The following STAU2 variants were observed in gnomAD, a reference collection of about 807,000 sequenced individuals.
STAU2 encodes the protein staufen double-stranded RNA binding protein 2.
A neutral mutation model predicts 65.9 loss-of-function variants in STAU2; 20 were observed. The ratio of observed to expected loss-of-function variants is 0.30; its 90% CI spans 0.21 to 0.44. The LOEUF is 0.44. Ranked by LOEUF, STAU2 falls within the 20% of genes least tolerant of loss-of-function variation. The pLI is 1.00. For missense variants in STAU2, 558 were observed against 683.9 expected, an observed-to-expected ratio of 0.82 and a Z score of 2.05; for synonymous variants, 232 against 233.9, an observed-to-expected ratio of 0.99 and a Z score of 0.07.
intron 12 of STAU2, among the ~76,000 whole-genome samples, chr8:73,556,038 TG>T (rs1807738609): frequency 6.6e-6 from 1 of 152,372 alleles, no homozygotes; most frequent in Admixed American, 6.5e-5. Flanking sequence ...TTTAAAGATA[TG>T]TTTTTAATCC....
chr8:73,491,926 G>GTC, intron 13 of STAU2, among the ~76,000 whole-genome samples: 1 of 152,006 alleles, frequency 6.6e-6, no homozygotes, highest in African/African-American at 2.4e-5. Flanking sequence ...ATACGCAAGA[G>GTC]AAGAAACCAT....
intron 13 of STAU2, among the ~76,000 whole-genome samples, chr8:73,429,624 G>A (rs766955001): frequency 5.3e-5 from 8 of 150,666 alleles, no homozygotes; most frequent in African/African-American, 2.0e-4. Flanking sequence ...TTCTAGTAGG[G>A]ACAAAGTCCT....
rs973140015 is a variant in STAU2 at position 73,596,462 on chromosome 8, A to C, written c.1030-1165T>G. On this transcript the variant is annotated intron_variant, in intron 10 of 14. Coordinates refer to ENST00000524300, the MANE Select transcript of STAU2 (RefSeq NM_001164380.2). Reference sequence around the variant, plus strand: ...GATAGCAAAAAAGGATAGAATTACAAGGAGAAATAGAAAATACACAACTAT... The same window carrying C: ...GATAGCAAAAAAGGATAGAATTACACGGAGAAATAGAAAATACACAACTAT... Among the ~76,000 whole-genome samples, 6 of 152,362 alleles carry C rather than the reference A, an allele frequency of 3.9e-5. No individual in the cohort carries two copies. In the East Asian group the frequency reaches 1.2e-3, roughly 29 times the overall value.
intron 1 of STAU2, among the ~76,000 whole-genome samples, chr8:73,740,986 C>A (rs1367692831): frequency 7.3e-6 from 1 of 137,156 alleles, no homozygotes; most frequent in Non-Finnish European, 1.5e-5. Context: ...GTCCAGGTGA[C>A]AGAGCAAGAC....
At chr8:73,605,307 C>CTTTTTT (rs760108756) in intron 9 of STAU2, among the ~76,000 whole-genome samples, 2 of 124,002 alleles carry the variant, frequency 1.6e-5, no homozygotes, top group Non-Finnish European at 3.4e-5. Context: ...GGCTTTTTTC[C>CTTTTTT]TTTTTTTTTT....
chr8:73,545,554 G>C (rs970194092), intron 13 of STAU2, among the ~76,000 whole-genome samples: 2 of 151,204 alleles, frequency 1.3e-5, no homozygotes, highest in East Asian at 1.9e-4. Flanking sequence ...TTTGATGTAT[G>C]TATTCCCAAA....
chr8:73,594,203 T>C (rs1811022298), intron 11 of STAU2, among the ~76,000 whole-genome samples: 2 of 152,192 alleles, frequency 1.3e-5, no homozygotes, highest in Admixed American at 1.3e-4. Context: ...GAAAAAGTGT[T>C]GACTAGCCAG....
intron 4 of STAU2, among the ~76,000 whole-genome samples, chr8:73,696,022 G>C (rs58066780): frequency 0.035 from 5,273 of 152,246 alleles, 265 homozygotes; most frequent in African/African-American, 0.11. Flanking sequence ...GCAATCCCAG[G>C]GATGATGACC....
At chr8:73,665,156 T>G (rs914455791) in intron 6 of STAU2, among the ~76,000 whole-genome samples, 1 of 152,138 alleles carries the variant, frequency 6.6e-6, no homozygotes, top group Non-Finnish European at 1.5e-5. Flanking sequence ...TTAGGTTAAT[T>G]TCTCCCAAAT....
intron 4 of STAU2, among the ~76,000 whole-genome samples, chr8:73,692,638 C>G (rs1046075697): frequency 6.6e-6 from 1 of 152,144 alleles, no homozygotes; most frequent in Non-Finnish European, 1.5e-5. Flanking sequence ...GTGCTGAGAG[C>G]CCCCGGTTTA....
At chr8:73,511,837 A>G (rs1822422519) in intron 13 of STAU2, among the ~76,000 whole-genome samples, 1 of 152,220 alleles carries the variant, frequency 6.6e-6, no homozygotes, top group Non-Finnish European at 1.5e-5. Context: ...TGCCTAACCC[A>G]AGATCATGAA....
intron 13 of STAU2, among the ~76,000 whole-genome samples, chr8:73,505,532 G>A (rs1822012552): frequency 6.6e-6 from 1 of 152,068 alleles, no homozygotes; most frequent in Non-Finnish European, 1.5e-5. Context: ...ACCTAAAAAT[G>A]CATGGTGACA....
intron 13 of STAU2, among the ~76,000 whole-genome samples, chr8:73,493,979 T>C (rs1206399780): frequency 6.6e-6 from 1 of 151,780 alleles, no homozygotes; most frequent in African/African-American, 2.4e-5. Flanking sequence ...GAACATTACA[T>C]TTCATTTACA....
At chr8:73,602,741 A>C (rs545167257) in intron 10 of STAU2, among the ~76,000 whole-genome samples, 14 of 152,072 alleles carry the variant, frequency 9.2e-5, no homozygotes, top group Admixed American at 3.9e-4. Context: ...AAAAAAAAAA[A>C]AACAAAAAAT....
intron 13 of STAU2, among the ~76,000 whole-genome samples, chr8:73,425,463 A>G (rs1585717968): frequency 6.6e-6 from 1 of 152,106 alleles, no homozygotes. Context: ...TTCAGAAGGA[A>G]CCAGCCCTGC....
At chr8:73,651,679 C>T in intron 6 of STAU2, 1 of 484,606 alleles carries the variant, frequency 2.1e-6, no homozygotes, top group Non-Finnish European at 3.8e-6. Flanking sequence ...CTGTGGGCAG[C>T]CTCTGGCGTA....
chr8:73,424,201 CTTTTTTT>C (rs59063960), intron 13 of STAU2, among the ~76,000 whole-genome samples: 52 of 115,290 alleles, frequency 4.5e-4, no homozygotes, highest in Non-Finnish European at 7.1e-4. Flanking sequence ...TCCTCTATGT[CTTTTTTT>C]TTTTTTTTTT....
chr8:73,651,281 C>A, intron 6 of STAU2: 1 of 664,990 alleles, frequency 1.5e-6, no homozygotes. Flanking sequence ...GCCTGGCGGG[C>A]CCCACTGTGT....
In STAU2 at chr8:73,628,959, G is replaced by A. The variant is rs183844948; in HGVS notation, c.411-11508C>T. 3.9e-4 allele frequency among the ~76,000 whole-genome samples: 59 copies of A among 152,296 alleles called. No homozygotes were observed. The East Asian group carries it at 0.011, about 27-fold the overall frequency. ...TTGCCCACTTCACATACTCCCAAAA[G>A]TAACATGGAGACATTACATCAGCGG... On this transcript the variant is annotated intron_variant, in intron 6 of 14. Transcript: ENST00000524300.
Sources: gnomAD v4.1 joint callset for allele counts (sites outside exome capture counted in the v4.1 genomes callset) on GRCh38, gnomAD v4.1.1 for gene constraint, MANE v1.5 for transcripts, NCBI Gene and HGNC (gene_info 2026-07-23, HGNC 2026-07-21) for gene names.